Variants in TMEM64 observed in about 807,000 individuals in gnomAD.
TMEM64 encodes the protein transmembrane protein 64.
A neutral mutation model predicts 24.5 loss-of-function variants in TMEM64; 19 were observed. The ratio of observed to expected loss-of-function variants is 0.78; its 90% CI spans 0.54 to 1.14. TMEM64 has a LOEUF of 1.14. Among genes scored for constraint, TMEM64 ranks in the 50% most tolerant of loss-of-function variants. The probability of loss-of-function intolerance (pLI) is 0.00; values close to 1 mark genes in which losing one functional copy is unlikely to be tolerated. For missense variants in TMEM64, 487 were observed against 493.0 expected (o/e 0.99, Z 0.12); for synonymous variants, 262 against 224.7 (o/e 1.17, Z -1.49).
rs1809672340 is a variant in TMEM64, at chr8:90,645,285, G to A, written c.621C>T (p.Phe207=). The A allele has an allele frequency of 6.2e-7, 1 of 1,601,922 alleles. No homozygotes were observed. Among genetic ancestry groups the A allele is most frequent in the African/African-American group, 1.3e-5 (1 of 74,660 alleles). Residue 207 remains phenylalanine (F), a synonymous_variant, in exon 1 of 3, where the codon TTC becomes TTT. Coordinates refer to ENST00000458549, the MANE Select transcript of TMEM64 (RefSeq NM_001008495.4). This position sits in a 1 kb window ranked among gnomAD's most constrained non-coding sequence, Gnocchi z 4.2. ...LMMVGVLIGT[F]IAHVVCKRLL... ...GCCGCTTGCAGACCACATGGGCGATGAAGGTGCCGATGAGGACGCCCACCA... is the reference window on the plus strand; with the variant it reads ...GCCGCTTGCAGACCACATGGGCGATAAAGGTGCCGATGAGGACGCCCACCA...
chr8:90,625,856 T>C lies in TMEM64; in HGVS notation c.958A>G (p.Ile320Val), dbSNP rs752347972. 1.0e-4 allele frequency: 161 copies of C among 1,580,926 alleles called. No homozygotes were observed. The highest frequency in any genetic ancestry group is 1.3e-4 in the Non-Finnish European group (153 of 1,162,856). Reference protein sequence around the residue: ...GYFVFCLQIIISIGLMFYVVH... With the variant: ...GYFVFCLQIIVSIGLMFYVVH... Reference sequence around the variant, plus strand: ...ACATAAAACATGAGGCCTATACTTATAATAATCTGTGAATAAAAATAAAAC... The same window carrying C: ...ACATAAAACATGAGGCCTATACTTACAATAATCTGTGAATAAAAATAAAAC... Residue 320 changes from isoleucine (I) to valine (V), a missense_variant, in exon 3 of 3, where the codon ATA becomes GTA. By Grantham distance (29) the Ile-to-Val change is conservative (BLOSUM62 3). Transcript: ENST00000458549.
chr8:90,625,667 A>C lies in TMEM64; in HGVS notation c.*4T>G. On this transcript the variant is annotated 3_prime_UTR_variant, in exon 3 of 3. Transcript: ENST00000458549. Reference sequence around the variant, plus strand: ...GCTCTTGACAATCACGTATCTCATTAGAATCATACAACATTGATTCCACCT... The same window carrying C: ...GCTCTTGACAATCACGTATCTCATTCGAATCATACAACATTGATTCCACCT... 4 of 1,611,782 alleles carry C rather than the reference A, an allele frequency of 2.5e-6. No individual in the cohort carries two copies. The highest frequency in any genetic ancestry group is 3.4e-6 in the Non-Finnish European group (4 of 1,178,288).
In TMEM64 at chr8:90,641,675, T is replaced by A. The variant is rs1156769857; in HGVS notation, c.795+3436A>T. ...GAGCAAGTTATTTCACCACTGTGCC[T>A]CAACTGCTTCAGCTATAAGATGAGG... On this transcript the variant is annotated intron_variant, in intron 1 of 2. Coordinates refer to ENST00000458549, the MANE Select transcript of TMEM64 (RefSeq NM_001008495.4). 2.0e-5 allele frequency among the ~76,000 whole-genome samples: 3 copies of A among 152,212 alleles called. 1 individual carries two copies. The highest frequency in any genetic ancestry group is 7.2e-5 in the African/African-American group (3 of 41,454).
intron 1 of TMEM64, among the ~76,000 whole-genome samples, chr8:90,639,534 G>A (rs921226417): frequency 1.3e-5 from 2 of 152,090 alleles, no homozygotes; most frequent in South Asian, 2.1e-4. Flanking sequence ...TGTATCATAT[G>A]CCTTCTATAT....
At position 90,645,723 on chromosome 8, in the gene TMEM64, G is replaced by A; in HGVS notation, c.183C>T (p.Ala61=). The A allele has an allele frequency of 2.5e-6, 3 of 1,186,940 alleles. No homozygotes were observed. The highest frequency in any genetic ancestry group is 3.1e-6 in the Non-Finnish European group (3 of 960,558). The allele number at this position is 1,186,940 out of a possible 1,614,324, so 73.5% of individuals were successfully genotyped here. Residue 61 remains alanine (A), a synonymous_variant, in exon 1 of 3, where the codon GCC becomes GCT. Coordinates refer to ENST00000458549, the MANE Select transcript of TMEM64 (RefSeq NM_001008495.4). This position sits in a 1 kb window ranked among gnomAD's most constrained non-coding sequence, Gnocchi z 4.2. ...GASAAAAAAA[A]SGALLGAYLE... Reference sequence around the variant, plus strand: ...GATAGGCGCCGAGCAGGGCGCCCGAGGCCGCCGCTGCTGCCGCCGCCGCGC... The same window carrying A: ...GATAGGCGCCGAGCAGGGCGCCCGAAGCCGCCGCTGCTGCCGCCGCCGCGC...
intron 2 of TMEM64, among the ~76,000 whole-genome samples, chr8:90,627,345 T>C (rs1344116552): frequency 2.6e-5 from 4 of 151,982 alleles, no homozygotes; most frequent in Non-Finnish European, 4.4e-5. Flanking sequence ...GCTGGGTCTT[T>C]AAATTCTGTA....
chr8:90,623,139 A>G lies in TMEM64; in HGVS notation c.*2532T>C, dbSNP rs1478020741. On this transcript the variant is annotated 3_prime_UTR_variant, in exon 3 of 3. Coordinates refer to ENST00000458549, the MANE Select transcript of TMEM64 (RefSeq NM_001008495.4). ...AGAATTAAAAAAGAACACATATTTCATAGGATTCAGAAATTATATATCATT... is the reference window on the plus strand; with the variant it reads ...AGAATTAAAAAAGAACACATATTTCGTAGGATTCAGAAATTATATATCATT... The G allele has an allele frequency of 6.6e-6, 1 of 152,206 alleles. No individual in the cohort carries two copies. The highest frequency in any genetic ancestry group is 1.9e-4 in the East Asian group (1 of 5,204). 9.4% of individuals were successfully genotyped at this position (152,206 alleles called of 1,614,324 possible). A position where few individuals can be genotyped will look rare whatever the true frequency, so the allele number is the denominator to read the frequency against.
chr8:90,645,462 C>T lies in TMEM64; in HGVS notation c.444G>A (p.Leu148=). The T allele has an allele frequency of 5.8e-6, 9 of 1,551,566 alleles. No homozygotes were observed. The highest frequency in any genetic ancestry group is 7.8e-6 in the Non-Finnish European group (9 of 1,147,036). The change falls in exon 1 of 3, where the codon CTG becomes CTA. Residue 148 remains leucine, a synonymous_variant. Transcript: ENST00000458549. This position sits in a 1 kb window ranked among gnomAD's most constrained non-coding sequence, Gnocchi z 4.2. ...GCGAGTCAAGGCTCTCCACCCACAG[C>T]AGGAGGTGGTGAAGGTAGCGGCGGA... The part of the protein sequence containing the change: ...ALVRRYLHHL[L]LWVESLDSLL...
rs1809690389 is a variant in TMEM64, at chr8:90,645,749, T to TCGCCCCGCC, written c.148_156dup (p.Gly50_Ala52dup). ...GCCGCCGCTGCTGCCGCCGCCGCGC[T>TCGCCCCGCC]CGCCCCGCCCCCGCGGGGAAGGCGG... is the stretch of plus-strand genomic sequence containing the variant. On this transcript the variant is annotated inframe_insertion, in exon 1 of 3. Coordinates refer to ENST00000458549, the MANE Select transcript of TMEM64 (RefSeq NM_001008495.4). The surrounding 1 kb of genome is among the most constrained non-coding windows in gnomAD (Gnocchi z 4.2). 9.2e-7 allele frequency: 1 copy of TCGCCCCGCC among 1,087,942 alleles called. No individual in the cohort carries two copies. Among genetic ancestry groups the TCGCCCCGCC allele is most frequent in the African/African-American group, 1.7e-5 (1 of 59,052 alleles). 67.4% of individuals were successfully genotyped at this position (1,087,942 alleles called of 1,614,324 possible). A position where few individuals can be genotyped will look rare whatever the true frequency, so the allele number is the denominator to read the frequency against.
At position 90,645,482 on chromosome 8, in the gene TMEM64, G is replaced by A. The variant is rs761693690; in HGVS notation, c.424C>T (p.Arg142Cys). ...LCFASLALVR[R>C]YLHHLLLWVE... ...CACAGCAGGAGGTGGTGAAGGTAGC[G>A]GCGGACCAGGGCCAGGGAAGCGAAG... is the stretch of plus-strand genomic sequence containing the variant. The change falls in exon 1 of 3, where the codon CGC becomes TGC. Residue 142 changes from arginine to cysteine, a missense_variant. Around this residue, in one of 3 missense-constraint regions of TMEM64, gnomAD observed 419 missense variants for 407.5 expected, o/e 1.03. Transcript: ENST00000458549. The surrounding 1 kb of genome is among the most constrained non-coding windows in gnomAD (Gnocchi z 4.2). 2.6e-6 allele frequency: 4 copies of A among 1,551,108 alleles called. No individual in the cohort carries two copies. Among genetic ancestry groups the A allele is most frequent in the Admixed American group, 2.0e-5 (1 of 50,990 alleles).
In TMEM64 at chr8:90,625,680, A is replaced by G. The variant is rs1447151618; in HGVS notation, c.1134T>C (p.Asn378=). The part of the protein sequence containing the change: ...RTLTFSGGGI[N]VV ...ACGTATCTCATTAGAATCATACAAC[A>G]TTGATTCCACCTCCAGAAAATGTTA... is the stretch of plus-strand genomic sequence containing the variant. Residue 378 remains asparagine (N), a synonymous_variant, in exon 3 of 3, where the codon AAT becomes AAC. Coordinates refer to ENST00000458549, the MANE Select transcript of TMEM64 (RefSeq NM_001008495.4). 6 of 1,613,394 alleles carry G rather than the reference A, an allele frequency of 3.7e-6. No individual in the cohort carries two copies. Among genetic ancestry groups the G allele is most frequent in the Middle Eastern group, 1.7e-4 (1 of 6,052 alleles).
intron 2 of TMEM64, among the ~76,000 whole-genome samples, chr8:90,627,538 T>G (rs1809377367): frequency 6.6e-6 from 1 of 152,096 alleles, no homozygotes; most frequent in Non-Finnish European, 1.5e-5. Context: ...GAGGTGCCTC[T>G]TAGATATCCA....
At chr8:90,627,098 G>C (rs7836315) in intron 2 of TMEM64, among the ~76,000 whole-genome samples, 10,359 of 152,186 alleles carry the variant, frequency 0.068, 1,129 homozygotes, top group African/African-American at 0.23. Context: ...AACCAAAAGT[G>C]ATACGGAAAT....
rs574833253 is a variant in TMEM64, at chr8:90,622,663, A to G, written c.*3008T>C. On this transcript the variant is annotated 3_prime_UTR_variant, in exon 3 of 3. Coordinates refer to ENST00000458549, the MANE Select transcript of TMEM64 (RefSeq NM_001008495.4). ...TCACACACACAGGAATGCTGGGGATATGCTTATACCTGCACCACTTAGTTA... is the reference window on the plus strand; with the variant it reads ...TCACACACACAGGAATGCTGGGGATGTGCTTATACCTGCACCACTTAGTTA... The G allele has an allele frequency of 6.6e-6, 1 of 152,384 alleles. No individual in the cohort carries two copies. Among genetic ancestry groups the G allele is most frequent in the Non-Finnish European group, 1.5e-5 (1 of 68,040 alleles). The allele number at this position is 152,384 out of a possible 1,614,324, so 9.4% of individuals were successfully genotyped here.
chr8:90,640,587 C>T (rs1809590231), intron 1 of TMEM64, among the ~76,000 whole-genome samples: 1 of 152,132 alleles, frequency 6.6e-6, no homozygotes, highest in South Asian at 2.1e-4. Flanking sequence ...CAGAAGACCC[C>T]ATAGCATAAG....
At chr8:90,633,786 T>C (rs1809475702) in intron 1 of TMEM64, among the ~76,000 whole-genome samples, 1 of 152,168 alleles carries the variant, frequency 6.6e-6, no homozygotes, top group South Asian at 2.1e-4. Flanking sequence ...TCTACATATG[T>C]TTTTTATTCA....
intron 1 of TMEM64, among the ~76,000 whole-genome samples, chr8:90,643,154 TTAAA>T (rs930894859): frequency 6.6e-6 from 1 of 152,170 alleles, no homozygotes; most frequent in African/African-American, 2.4e-5. Flanking sequence ...ACACCAGGCA[TTAAA>T]TATATATTCA....
At chr8:90,629,778 C>A (rs1809411966) in intron 2 of TMEM64, among the ~76,000 whole-genome samples, 1 of 151,950 alleles carries the variant, frequency 6.6e-6, no homozygotes, top group African/African-American at 2.4e-5. Flanking sequence ...TGACTCTTTG[C>A]ATGTCAAAAA....
At chr8:90,628,040 C>T (rs1809385046) in intron 2 of TMEM64, among the ~76,000 whole-genome samples, 1 of 152,206 alleles carries the variant, frequency 6.6e-6, no homozygotes, top group Non-Finnish European at 1.5e-5. Context: ...CCCAGCTGCA[C>T]TTCTGATCCC....
Sources: gnomAD v4.1 joint callset for allele counts (sites outside exome capture counted in the v4.1 genomes callset) on GRCh38, gnomAD v4.1.1 for gene constraint, gnomAD v4.1.1 regional missense constraint, Gnocchi (gnomAD v3.1) non-coding constraint, MANE v1.5 for transcripts, NCBI Gene and HGNC (gene_info 2026-07-23, HGNC 2026-07-21) for gene names.